Variants in CWC22 observed in about 807,000 individuals in gnomAD.
CWC22 encodes the protein CWC22 spliceosome associated protein.
In CWC22, 53 loss-of-function variants were observed where a neutral mutation model predicts 117.2. The observed-to-expected ratio is 0.45, with a 90% CI of 0.36 to 0.57. The LOEUF (loss-of-function observed/expected upper bound fraction) is 0.57, where lower values mean the gene tolerates loss of function less well. Ranked by LOEUF, CWC22 falls within the 20% of genes least tolerant of loss-of-function variation. CWC22 has a pLI of 0.00. For synonymous variants in CWC22, 360 were observed against 355.6 expected (o/e 1.01, Z -0.14); for missense variants, 980 against 1,068.8 (o/e 0.92, Z 1.16).
At chr2:179,969,296 GGAAATGAAATTATAACA>G (rs1055605991) in intron 11 of CWC22, among the ~76,000 whole-genome samples, 59 of 152,170 alleles carry the variant, frequency 3.9e-4, no homozygotes, top group Admixed American at 1.0e-3. Context: ...TTCTCTGTTT[GGAAATGAAATTATAACA>G]GAAAAAAAGA....
chr2:180,004,661 A>T (rs973128534), intron 1 of CWC22, among the ~76,000 whole-genome samples: 2 of 152,144 alleles, frequency 1.3e-5, no homozygotes, highest in African/African-American at 4.8e-5. Flanking sequence ...CTGGGAATGC[A>T]GGCATGAGCC....
intron 4 of CWC22, among the ~76,000 whole-genome samples, chr2:179,985,288 C>A (rs972128746): frequency 6.6e-6 from 1 of 152,054 alleles, no homozygotes; most frequent in Non-Finnish European, 1.5e-5. Flanking sequence ...AGCAAAGATA[C>A]ATGCAAGTTA....
intron 1 of CWC22, 60 bp from the exon 2 acceptor site, chr2:179,993,514 TA>T (rs1289416093): frequency 2.1e-5 from 12 of 562,034 alleles, no homozygotes; most frequent in Admixed American, 1.3e-4. Context: ...AATGATGATA[TA>T]TTTTTTCTAT....
intron 1 of CWC22, among the ~76,000 whole-genome samples, chr2:180,000,412 G>A (rs1251593478): frequency 2.0e-5 from 3 of 152,174 alleles, no homozygotes; most frequent in African/African-American, 7.2e-5. Context: ...TACTTAATGT[G>A]ACTTGATACA....
chr2:179,992,269 T>G (rs944372118), intron 2 of CWC22, among the ~76,000 whole-genome samples: 3 of 152,152 alleles, frequency 2.0e-5, no homozygotes, highest in African/African-American at 7.2e-5. Flanking sequence ...TCCTGCCAAG[T>G]CCACTCACAG....
chr2:179,990,237 TCAACA>T (rs1256236008), intron 2 of CWC22, among the ~76,000 whole-genome samples: 1 of 152,182 alleles, frequency 6.6e-6, no homozygotes, highest in African/African-American at 2.4e-5. Flanking sequence ...ATTTCACTCA[TCAACA>T]CAGTGAAATA....
At position 179,970,548 on chromosome 2, in the gene CWC22, T is replaced by C. The variant is rs1222776048; in HGVS notation, c.1163A>G (p.Asp388Gly). 6.5e-7 allele frequency: 1 copy of C among 1,547,174 alleles called. No homozygotes were observed. Among genetic ancestry groups the C allele is most frequent in the Non-Finnish European group, 8.7e-7 (1 of 1,143,702 alleles). ...PEDVLNVFKM[D>G]PNFMENEEKY... ...CTCTTCATTCTCCATAAAATTAGGA[T>C]CCATCTTGAAAACATCTAAAAAAAA... The change falls in exon 11 of 20, where the codon GAT becomes GGT. Residue 388 changes from aspartate (D) to glycine (G), a missense_variant. Asp to Gly is a moderately conservative substitution (Grantham distance 94). Around this residue, in one of 3 missense-constraint regions of CWC22, gnomAD observed 559 missense variants for 602.3 expected, o/e 0.93. Coordinates refer to ENST00000410053, the MANE Select transcript of CWC22 (RefSeq NM_020943.3).
intron 13 of CWC22, among the ~76,000 whole-genome samples, chr2:179,961,466 A>G (rs1181278607): frequency 1.3e-5 from 2 of 152,064 alleles, no homozygotes; most frequent in Non-Finnish European, 2.9e-5. Flanking sequence ...GAAAGAGATT[A>G]TATAACAGAT....
chr2:179,981,822 G>C lies in CWC22; in HGVS notation c.382C>G (p.Arg128Gly). 1 of 1,613,842 alleles carries C rather than the reference G, an allele frequency of 6.2e-7. No individual in the cohort carries two copies. Among genetic ancestry groups the C allele is most frequent in the Non-Finnish European group, 8.5e-7 (1 of 1,179,842 alleles). ...GGGGGAATATATGCTCCACCAGTGC[G>C]AGTAAGAAGAGGATCCAGCTCATCT... is the stretch of plus-strand genomic sequence containing the variant. ...KKDELDPLLT[R>G]TGGAYIPPAK... Residue 128 changes from arginine to glycine, a missense_variant, in exon 5 of 20, where the codon CGC (arginine) becomes GGC (glycine). By Grantham distance (125) the Arg-to-Gly change is moderately radical. Coordinates refer to ENST00000410053, the MANE Select transcript of CWC22 (RefSeq NM_020943.3).
rs371194450 is a variant in CWC22 at position 179,957,274 on chromosome 2, A to G, written c.1458+1748T>C. ...CTATTACTAATATACCAATAACAAAACTTTGAAAGGGAAAAAAAGGAATCT... is the reference window on the plus strand; with the variant it reads ...CTATTACTAATATACCAATAACAAAGCTTTGAAAGGGAAAAAAAGGAATCT... On this transcript the variant is annotated intron_variant, in intron 14 of 19. Transcript: ENST00000410053. 4.6e-5 allele frequency among the ~76,000 whole-genome samples: 7 copies of G among 152,250 alleles called. No individual in the cohort carries two copies. The East Asian group carries it at 7.7e-4, about 17-fold the overall frequency.
intron 8 of CWC22, among the ~76,000 whole-genome samples, chr2:179,972,496 G>A (rs1370929924): frequency 6.6e-6 from 1 of 152,068 alleles, no homozygotes; most frequent in Non-Finnish European, 1.5e-5. Flanking sequence ...GTGGTTGCAA[G>A]GAATAGAGGT....
intron 1 of CWC22, among the ~76,000 whole-genome samples, chr2:179,994,330 G>A (rs1687646387): frequency 6.6e-6 from 1 of 152,152 alleles, no homozygotes; most frequent in South Asian, 2.1e-4. Context: ...ATTAATTTGA[G>A]TGTCAGAAAG....
chr2:179,963,335 CTTTTTTTT>C (rs774947016), intron 13 of CWC22, among the ~76,000 whole-genome samples: 5 of 82,068 alleles, frequency 6.1e-5, no homozygotes, highest in South Asian at 5.3e-4. Flanking sequence ...ATATTTAATA[CTTTTTTTT>C]TTTTTTTTTT....
At position 179,954,224 on chromosome 2, in the gene CWC22, G is replaced by C; in HGVS notation, c.1670C>G (p.Thr557Ser). The C allele has an allele frequency of 6.2e-7, 1 of 1,611,072 alleles. No individual in the cohort carries two copies. The highest frequency in any genetic ancestry group is 8.5e-7 in the Non-Finnish European group (1 of 1,178,042). Residue 557 changes from threonine (T) to serine (S), a missense_variant, in exon 16 of 20, where the codon ACT (threonine) becomes AGT (serine). Thr to Ser is a moderately conservative substitution (Grantham distance 58). Transcript: ENST00000410053. Reference protein sequence around the residue: ...VAKMFAHLLYTDSLPWSVLEC... With the variant: ...VAKMFAHLLYSDSLPWSVLEC... ...ACTTACACTCCATGGAAGTGAATCA[G>C]TGTATAAAAGGTGAGCAAACATCTT... is the stretch of plus-strand genomic sequence containing the variant.
At chr2:179,971,200 G>T (rs1208278885) in intron 8 of CWC22, 124 bp from the exon 9 acceptor site, 2 of 603,786 alleles carry the variant, frequency 3.3e-6, no homozygotes, top group East Asian at 3.1e-5. Flanking sequence ...GATGGGCAAA[G>T]TTTTATAAAG....
At chr2:179,954,908 A>C in intron 15 of CWC22, 49 bp downstream of exon 15, 1 of 1,075,472 alleles carries the variant, frequency 9.3e-7, no homozygotes, top group Non-Finnish European at 1.4e-6. Context: ...GAAATCATTA[A>C]TTTACAATAT....
At chr2:179,992,907 T>C (rs1370465803) in intron 2 of CWC22, among the ~76,000 whole-genome samples, 1 of 152,238 alleles carries the variant, frequency 6.6e-6, no homozygotes, top group Non-Finnish European at 1.5e-5. Flanking sequence ...TAAACAGATA[T>C]GCAGAAATTT....
At chr2:179,968,039 C>T (rs1228321370) in intron 11 of CWC22, among the ~76,000 whole-genome samples, 4 of 151,990 alleles carry the variant, frequency 2.6e-5, no homozygotes, top group African/African-American at 9.7e-5. Flanking sequence ...TTTTTTTGGA[C>T]GAGAGCGGTG....
intron 1 of CWC22, among the ~76,000 whole-genome samples, chr2:180,000,956 G>A (rs1687831885): frequency 6.6e-6 from 1 of 152,132 alleles, no homozygotes; most frequent in African/African-American, 2.4e-5. Flanking sequence ...GGCTGTTTAA[G>A]TAACCAAATA....
Sources: gnomAD v4.1 joint callset for allele counts (sites outside exome capture counted in the v4.1 genomes callset) on GRCh38, gnomAD v4.1.1 for gene constraint, gnomAD v4.1.1 regional missense constraint, MANE v1.5 for transcripts, NCBI Gene and HGNC (gene_info 2026-07-23, HGNC 2026-07-21) for gene names.